PVT1: variants seen among roughly 807,000 people sequenced by gnomAD.
The protein encoded by PVT1 is Pvt1 oncogene, also known as CXCR4/PVT1 fusion.
intron 4 of PVT1, among the ~76,000 whole-genome samples, chr8:128,028,154 C>T (rs1377595641): frequency 6.6e-6 from 1 of 152,260 alleles, no homozygotes; most frequent in African/African-American, 2.4e-5. Flanking sequence ...CTGCATTGCA[C>T]ACTCCTTTGA....
At chr8:128,037,167 T>A (rs1298209426) in intron 4 of PVT1, among the ~76,000 whole-genome samples, 1 of 152,226 alleles carries the variant, frequency 6.6e-6, no homozygotes, top group Non-Finnish European at 1.5e-5. Flanking sequence ...AGTTGGGCAC[T>A]GTGCTGGGGC....
intron 3 of PVT1, among the ~76,000 whole-genome samples, chr8:127,933,910 T>C (rs932014855): frequency 6.6e-6 from 1 of 152,316 alleles, no homozygotes; most frequent in East Asian, 1.9e-4. Context: ...GCCTCTAAAG[T>C]GAGACAGTCA....
chr8:127,957,566 CAAAAAA>C (rs56796489), intron 3 of PVT1, among the ~76,000 whole-genome samples: 7 of 91,808 alleles, frequency 7.6e-5, no homozygotes, highest in Non-Finnish European at 8.7e-5. Flanking sequence ...GACTCCGTCT[CAAAAAA>C]AAAAAAAAAA....
chr8:127,839,161 G>A (rs1814944496), intron 2 of PVT1, among the ~76,000 whole-genome samples: 2 of 152,136 alleles, frequency 1.3e-5, no homozygotes, highest in Admixed American at 6.5e-5. Flanking sequence ...CTACCCTTAA[G>A]CAACGTGTGA....
intron 3 of PVT1, among the ~76,000 whole-genome samples, chr8:127,911,848 C>T (rs531407698): frequency 7.9e-4 from 120 of 152,334 alleles, no homozygotes; most frequent in African/African-American, 2.8e-3. Flanking sequence ...TGGCCTCAGG[C>T]CCTTATCTTA....
intron 2 of PVT1, among the ~76,000 whole-genome samples, chr8:127,805,870 A>G (rs1354109867): frequency 6.6e-6 from 1 of 152,178 alleles, no homozygotes; most frequent in East Asian, 1.9e-4. Context: ...CTGAGGAATC[A>G]GGATTTGAGT....
chr8:127,937,574 C>CAGAGAGAGAGAGAGAG (rs1403061270), intron 3 of PVT1, among the ~76,000 whole-genome samples: 52 of 96,254 alleles, frequency 5.4e-4, no homozygotes, highest in South Asian at 2.3e-3. Flanking sequence ...CACACACACA[C>CAGAGAGAGAGAGAGAG]ACACACAGAG....
intron 2 of PVT1, among the ~76,000 whole-genome samples, chr8:127,804,489 A>T (rs1399835107): frequency 3.4e-5 from 5 of 148,544 alleles, no homozygotes; most frequent in South Asian, 2.1e-4. Flanking sequence ...TTTATTTTTT[A>T]ATTTTTTATT....
chr8:127,950,519 C>T (rs1267853366), intron 3 of PVT1, among the ~76,000 whole-genome samples: 1 of 152,226 alleles, frequency 6.6e-6, no homozygotes, highest in Admixed American at 6.5e-5. Context: ...GAGTTTCCCA[C>T]TGTCTCAAAT....
chr8:127,924,025 CT>C (rs1183042137), intron 3 of PVT1, among the ~76,000 whole-genome samples: 1 of 152,204 alleles, frequency 6.6e-6, no homozygotes, highest in Non-Finnish European at 1.5e-5. Context: ...TCCATGCCCC[CT>C]CTGGCATGGT....
At chr8:127,907,861 AG>A (rs750231389) in intron 3 of PVT1, among the ~76,000 whole-genome samples, 3 of 151,810 alleles carry the variant, frequency 2.0e-5, no homozygotes, top group Non-Finnish European at 4.4e-5. Flanking sequence ...TTGGGATGGG[AG>A]GGGGGTAGCT....
At chr8:127,982,130 A>G (rs1377976511) in intron 3 of PVT1, among the ~76,000 whole-genome samples, 1 of 152,186 alleles carries the variant, frequency 6.6e-6, no homozygotes, top group Non-Finnish European at 1.5e-5. Context: ...TAATGTGAGC[A>G]CCTACCCACC....
rs997385882 is a variant in PVT1, at chr8:128,035,686, A to G, written n.913-34474A>G. ...AAATTAAGGATCTTGAGATGGGAAG[A>G]GTGCTGAATTACTCAGGTGGACCCA... On this transcript the variant is annotated intron_variant and non_coding_transcript_variant, in intron 4 of 10. Coordinates refer to ENST00000651587, the Ensembl canonical transcript of PVT1. Among the ~76,000 whole-genome samples, 3 of 152,236 alleles carry G rather than the reference A, an allele frequency of 2.0e-5. No homozygotes were observed. In the South Asian group the frequency reaches 6.2e-4, roughly 32 times the overall value.
intron 2 of PVT1, chr8:127,855,312 C>T (rs1374827813): frequency 4.3e-5 from 17 of 398,076 alleles, no homozygotes; most frequent in Non-Finnish European, 5.8e-5. Flanking sequence ...CTGTAAGGAC[C>T]CCTAAGGGTT....
At chr8:127,956,995 T>C (rs891082725) in intron 3 of PVT1, among the ~76,000 whole-genome samples, 1 of 152,206 alleles carries the variant, frequency 6.6e-6, no homozygotes, top group African/African-American at 2.4e-5. Flanking sequence ...CACTTTTTAT[T>C]CTCTCTAGTG....
intron 3 of PVT1, among the ~76,000 whole-genome samples, chr8:127,978,301 T>C (rs1174782819): frequency 6.6e-6 from 1 of 151,730 alleles, no homozygotes; most frequent in Non-Finnish European, 1.5e-5. Context: ...TATAGGTGTG[T>C]ACCACCATAC....
chr8:127,987,948 G>T (rs12682019), intron 3 of PVT1, among the ~76,000 whole-genome samples: 2,926 of 152,342 alleles, frequency 0.019, 42 homozygotes, highest in South Asian at 0.035. Flanking sequence ...AATTCACTCT[G>T]TGCTGCTGGG....
At chr8:127,799,571 A>T (rs1814438555) in intron 2 of PVT1, among the ~76,000 whole-genome samples, 1 of 152,178 alleles carries the variant, frequency 6.6e-6, no homozygotes, top group South Asian at 2.1e-4. Flanking sequence ...GAAAACAGAC[A>T]GTAGCAGGAG....
intron 3 of PVT1, among the ~76,000 whole-genome samples, chr8:127,951,622 A>C (rs1816506778): frequency 6.6e-6 from 1 of 152,162 alleles, no homozygotes; most frequent in African/African-American, 2.4e-5. Flanking sequence ...ACATGCCTAG[A>C]CTGTGCCTGA....
Sources: allele counts gnomAD v4.1 joint callset (sites outside exome capture counted in the v4.1 genomes callset), GRCh38; gene constraint gnomAD v4.1.1; transcripts MANE v1.5; gene names NCBI Gene and HGNC (gene_info 2026-07-23, HGNC 2026-07-21).